Variants in EIF2AK2 observed in about 807,000 individuals in gnomAD.
EIF2AK2 encodes interferon-induced, double-stranded RNA-activated protein kinase.
Under a neutral mutation model 70.5 loss-of-function variants are expected in EIF2AK2, and 40 were observed. The ratio of observed to expected loss-of-function variants is 0.57; its 90% CI spans 0.44 to 0.74. The LOEUF (loss-of-function observed/expected upper bound fraction) is 0.74, where lower values mean the gene tolerates loss of function less well. EIF2AK2 is among the 30% of genes least tolerant of loss of function. EIF2AK2 has a pLI of 0.00. For synonymous variants in EIF2AK2, 198 were observed against 220.9 expected (o/e 0.90, Z 0.92); for missense variants, 555 against 644.3 (o/e 0.86, Z 1.50).
chr2:37,107,133 G>T lies in EIF2AK2; in HGVS notation c.*140C>A. 1.9e-6 allele frequency: 2 copies of T among 1,065,082 alleles called. No homozygotes were observed. The highest frequency in any genetic ancestry group is 2.5e-6 in the Non-Finnish European group (2 of 793,598). 66.0% of individuals were successfully genotyped at this position (1,065,082 alleles called of 1,614,324 possible). On this transcript the variant is annotated 3_prime_UTR_variant, in exon 17 of 17. Transcript: ENST00000233057. The stretch of plus-strand genomic sequence containing the variant: ...AAAAGAAGAAAACCTTTCTGTTTCT[G>T]CAGAAAGATTAGTAAAAATAGTAAA...
chr2:37,129,113 G>C (rs1200036092), intron 10 of EIF2AK2, among the ~76,000 whole-genome samples: 1 of 151,356 alleles, frequency 6.6e-6, no homozygotes, highest in Non-Finnish European at 1.5e-5. Context: ...ATCTTGGTGG[G>C]AGCTCCTAAA....
chr2:37,147,782 A>C lies in EIF2AK2; in HGVS notation c.25T>G (p.Phe9Val). The change falls in exon 3 of 17, where the codon TTC (phenylalanine) becomes GTC (valine). Residue 9 changes from phenylalanine (F) to valine (V), a missense_variant. Phe to Val is a conservative substitution (Grantham distance 50). Transcript: ENST00000233057. ...TATGTATTAAGTTCCTCCATGAAGA[A>C]ACCTGCTGAAAGATCACCAGCCATT... MAGDLSAG[F>V]FMEELNTYRQ... 6.2e-7 allele frequency: 1 copy of C among 1,613,170 alleles called. No homozygotes were observed. Among genetic ancestry groups the C allele is most frequent in the Non-Finnish European group, 8.5e-7 (1 of 1,179,464 alleles).
chr2:37,109,132 G>T, intron 15 of EIF2AK2, 62 bp downstream of exon 15: 3 of 1,457,666 alleles, frequency 2.1e-6, no homozygotes, highest in Non-Finnish European at 2.9e-6. Context: ...GTCTGCAGCA[G>T]CACTCTGAAG....
At chr2:37,125,137 C>A (rs192372005) in intron 11 of EIF2AK2, among the ~76,000 whole-genome samples, 9 of 152,204 alleles carry the variant, frequency 5.9e-5, no homozygotes, top group African/African-American at 2.2e-4. Flanking sequence ...CTCAGCCTCT[C>A]GAGAAGCTGA....
intron 1 of EIF2AK2, among the ~76,000 whole-genome samples, chr2:37,151,601 T>G (rs1185970270): frequency 1.3e-5 from 2 of 152,210 alleles, no homozygotes; most frequent in African/African-American, 4.8e-5. Context: ...TTTCAAAGAA[T>G]TGGAAAACAG....
chr2:37,105,499 T>A lies in EIF2AK2; in HGVS notation c.*1774A>T, dbSNP rs887924566. The A allele has an allele frequency of 6.6e-6, 1 of 152,286 alleles. No individual in the cohort carries two copies. Among genetic ancestry groups the A allele is most frequent in the Admixed American group, 6.5e-5 (1 of 15,274 alleles). The allele number at this position is 152,286 out of a possible 1,614,324, so 9.4% of individuals were successfully genotyped here. On this transcript the variant is annotated 3_prime_UTR_variant, in exon 17 of 17. Transcript: ENST00000233057. ...CTGCACATCCGGCTCCCCTTCACCTTCCACCATGAGTGGAAGCAGCCGGGG... is the reference window on the plus strand; with the variant it reads ...CTGCACATCCGGCTCCCCTTCACCTACCACCATGAGTGGAAGCAGCCGGGG...
chr2:37,138,292 A>C lies in EIF2AK2; in HGVS notation c.665T>G (p.Leu222Ter). The change falls in exon 8 of 17, where the codon TTA becomes TGA. Residue 222 changes from leucine to a stop codon, truncating the protein, a stop_gained. Coordinates refer to ENST00000233057, the MANE Select transcript of EIF2AK2 (RefSeq NM_001135651.3). LOFTEE classifies it high-confidence loss of function. ...TSEINSNSDS[L>*]NSSSLLMNGL... ...TACCATAAGCAACGAAGAACTGTTT[A>C]AACTGTCACTGTTAGAATTTATCTC... The C allele has an allele frequency of 6.2e-7, 1 of 1,613,780 alleles. No individual in the cohort carries two copies. The highest frequency in any genetic ancestry group is 8.5e-7 in the Non-Finnish European group (1 of 1,179,832).
chr2:37,152,575 C>G (rs890676849), intron 1 of EIF2AK2, among the ~76,000 whole-genome samples: 6 of 152,234 alleles, frequency 3.9e-5, no homozygotes, highest in Admixed American at 2.0e-4. Flanking sequence ...GCCACCACGC[C>G]TGGCCGGGCC....
chr2:37,110,199 T>C (rs1674098958), intron 14 of EIF2AK2, among the ~76,000 whole-genome samples: 1 of 150,996 alleles, frequency 6.6e-6, no homozygotes, highest in African/African-American at 2.4e-5. Flanking sequence ...GCCTCCAGAG[T>C]AGCTGGGACT....
In EIF2AK2 at chr2:37,138,272, T is replaced by A. The variant is rs1289851228; in HGVS notation, c.685A>T (p.Met229Leu). 10 of 1,610,638 alleles carry A rather than the reference T, an allele frequency of 6.2e-6. No homozygotes were observed. In the South Asian group the frequency reaches 9.9e-5, roughly 16 times the overall value. ...SDSLNSSSLLMNGLRNNQRKA... is the reference protein window; with the variant it reads ...SDSLNSSSLLLNGLRNNQRKA... ...AAGCTTCGAGACTAATACGATACCA[T>A]AAGCAACGAAGAACTGTTTAAACTG... The change falls in exon 8 of 17, where the codon ATG (methionine) becomes TTG (leucine). Residue 229 changes from methionine to leucine, a missense_variant and splice_region_variant. By Grantham distance (15) the Met-to-Leu change is conservative (BLOSUM62 2). Transcript: ENST00000233057.
At chr2:37,128,274 CAT>C (rs1291987586) in intron 10 of EIF2AK2, among the ~76,000 whole-genome samples, 2 of 152,136 alleles carry the variant, frequency 1.3e-5, no homozygotes, top group Non-Finnish European at 2.9e-5. Flanking sequence ...TAAATCCAAA[CAT>C]ATTGTCTACA....
chr2:37,139,893 T>C, intron 5 of EIF2AK2, 136 bp from the exon 6 acceptor site: 1 of 938,508 alleles, frequency 1.1e-6, no homozygotes, highest in Non-Finnish European at 1.5e-6. Context: ...AGTTCATATC[T>C]TGCATAATTT....
chr2:37,109,829 T>C (rs1318581552), intron 14 of EIF2AK2, among the ~76,000 whole-genome samples: 3 of 152,208 alleles, frequency 2.0e-5, no homozygotes, highest in African/African-American at 7.2e-5. Context: ...GAGTACCTAC[T>C]GTATGATTCC....
At chr2:37,132,651 C>T (rs763129468) in intron 10 of EIF2AK2, among the ~76,000 whole-genome samples, 5 of 152,122 alleles carry the variant, frequency 3.3e-5, no homozygotes, top group Non-Finnish European at 5.9e-5. Flanking sequence ...GCACACTAGC[C>T]ATTCCCCTCT....
At chr2:37,116,478 T>G (rs1242245594) in intron 13 of EIF2AK2, among the ~76,000 whole-genome samples, 1 of 152,212 alleles carries the variant, frequency 6.6e-6, no homozygotes, top group Non-Finnish European at 1.5e-5. Flanking sequence ...TAATACAATC[T>G]TAGGCTAAAC....
chr2:37,146,960 C>T lies in EIF2AK2; in HGVS notation c.133G>A (p.Val45Ile), dbSNP rs1675566262. Residue 45 changes from valine (V) to isoleucine (I), a missense_variant, in exon 4 of 17, where the codon GTT becomes ATT. This residue lies in a region of EIF2AK2 where 48 missense variants were observed against 77.1 expected (regional missense o/e 0.62). Transcript: ENST00000233057. ...PPHDRRFTFQ[V>I]IIDGREFPEG... ...GGAAATTCTCTTCCATCTATTATAA[C>T]TTGAAATGTAAACCTGATTACAAAG... is the stretch of plus-strand genomic sequence containing the variant. 1 of 1,611,658 alleles carries T rather than the reference C, an allele frequency of 6.2e-7. No homozygotes were observed. Among genetic ancestry groups the T allele is most frequent in the Non-Finnish European group, 8.5e-7 (1 of 1,179,146 alleles).
At chr2:37,110,993 C>T (rs1674123244) in intron 14 of EIF2AK2, among the ~76,000 whole-genome samples, 1 of 152,144 alleles carries the variant, frequency 6.6e-6, no homozygotes, top group South Asian at 2.1e-4. Flanking sequence ...GAAATTCTGA[C>T]ATGTTACAAC....
chr2:37,140,311 C>T (rs751438489), intron 5 of EIF2AK2, among the ~76,000 whole-genome samples: 2 of 152,196 alleles, frequency 1.3e-5, no homozygotes, highest in Non-Finnish European at 1.5e-5. Context: ...TCCACACTCT[C>T]CTCCTATTAG....
rs149125662 is a variant in EIF2AK2, at chr2:37,125,986, G to A, written c.908+303C>T. On this transcript the variant is annotated intron_variant, in intron 11 of 16. Coordinates refer to ENST00000233057, the MANE Select transcript of EIF2AK2 (RefSeq NM_001135651.3). Reference sequence around the variant, plus strand: ...AATGATAGGTTCTATCTGGTGCCACGGTTTTTAAAATACGGAGCATTTCAT... The same window carrying A: ...AATGATAGGTTCTATCTGGTGCCACAGTTTTTAAAATACGGAGCATTTCAT... 2.1e-4 allele frequency among the ~76,000 whole-genome samples: 32 copies of A among 152,194 alleles called. No homozygotes were observed. The East Asian group carries it at 4.8e-3, about 23-fold the overall frequency.
Sources: gnomAD v4.1 joint callset for allele counts (sites outside exome capture counted in the v4.1 genomes callset) on GRCh38, gnomAD v4.1.1 for gene constraint, gnomAD v4.1.1 regional missense constraint, MANE v1.5 for transcripts, NCBI Gene and HGNC (gene_info 2026-07-23, HGNC 2026-07-21) for gene names.